CMC2: variants seen among roughly 807,000 people sequenced by gnomAD.
The protein encoded by CMC2 is C-X9-C motif containing 2, also known as COX assembly mitochondrial protein 2 homolog.
A neutral mutation model predicts 7.5 loss-of-function variants in CMC2; 5 were observed. The ratio of observed to expected loss-of-function variants is 0.66; its 90% CI spans 0.35 to 1.40. CMC2 has a LOEUF of 1.40. Ranked by LOEUF, CMC2 falls within the 40% of genes most tolerant of loss-of-function variation. The pLI is 0.04. For missense variants in CMC2, 115 were observed against 92.3 expected (o/e 1.25, Z -1.01); for synonymous variants, 37 against 31.4 (o/e 1.18, Z -0.60).
At chr16:80,982,117 T>C (rs1410916984) in intron 2 of CMC2, among the ~76,000 whole-genome samples, 3 of 152,078 alleles carry the variant, frequency 2.0e-5, no homozygotes, top group Non-Finnish European at 4.4e-5. Flanking sequence ...TTTTGAACAT[T>C]TGGAACAATT....
chr16:80,989,716 T>G (rs1334879937), intron 2 of CMC2, among the ~76,000 whole-genome samples: 1 of 152,196 alleles, frequency 6.6e-6, no homozygotes, highest in Non-Finnish European at 1.5e-5. Context: ...TTCTACATCT[T>G]ATATATATTG....
intron 1 of CMC2, among the ~76,000 whole-genome samples, chr16:80,999,252 G>C (rs985470872): frequency 1.3e-5 from 2 of 152,132 alleles, no homozygotes; most frequent in Admixed American, 1.3e-4. Flanking sequence ...AAAATCAGTA[G>C]CACGTCTATA....
At chr16:80,985,627 A>T (rs1289168291) in intron 2 of CMC2, among the ~76,000 whole-genome samples, 4 of 152,120 alleles carry the variant, frequency 2.6e-5, no homozygotes, top group Non-Finnish European at 5.9e-5. Context: ...AAATAATGTT[A>T]AAAGAGTGCA....
intron 2 of CMC2, among the ~76,000 whole-genome samples, chr16:80,989,809 G>A (rs908746806): frequency 2.6e-5 from 4 of 152,080 alleles, no homozygotes; most frequent in African/African-American, 9.7e-5. Context: ...CTATATTTAT[G>A]ACAGTAAGAA....
intron 1 of CMC2, chr16:80,998,061 TTAG>T (rs1968565354): frequency 1.3e-5 from 2 of 151,490 alleles, no homozygotes; most frequent in Non-Finnish European, 2.9e-5. Flanking sequence ...AGGTGGAAAA[TTAG>T]CAGCCAAGGT....
chr16:80,979,687 C>T (rs1417570202), intron 3 of CMC2, among the ~76,000 whole-genome samples: 2 of 151,676 alleles, frequency 1.3e-5, no homozygotes, highest in Non-Finnish European at 2.9e-5. Context: ...GTAATGTGAT[C>T]TGGGCTCACC....
At chr16:80,976,790 T>C (rs568080175) in intron 3 of CMC2, among the ~76,000 whole-genome samples, 3 of 152,364 alleles carry the variant, frequency 2.0e-5, no homozygotes, top group Non-Finnish European at 4.4e-5. Context: ...TTGTCTGCTA[T>C]AATTTTCAAA....
In CMC2 at chr16:80,973,796, AC is replaced by A; in HGVS notation, c.*2296del. 1 of 151,330 alleles carries A rather than the reference AC, an allele frequency of 6.6e-6. No homozygotes were observed. Among genetic ancestry groups the A allele is most frequent in the South Asian group, 2.1e-4 (1 of 4,832 alleles). 9.4% of individuals were successfully genotyped at this position (151,330 alleles called of 1,614,324 possible). A position where few individuals can be genotyped will look rare whatever the true frequency, so the allele number is the denominator to read the frequency against. ...ATCATTGCCATAGCCTTCAGTGTGT[AC>A]TTTACTCTACAGGGATCAGCAACAG... On this transcript the variant is annotated 3_prime_UTR_variant, in exon 4 of 4. Coordinates refer to ENST00000219400, the MANE Select transcript of CMC2 (RefSeq NM_020188.5).
intron 3 of CMC2, among the ~76,000 whole-genome samples, chr16:80,979,085 AAT>A (rs1567506458): frequency 1.3e-5 from 2 of 149,940 alleles, no homozygotes; most frequent in Non-Finnish European, 1.5e-5. Flanking sequence ...TGGCAAAAAA[AAT>A]AAAAAAATAA....
At chr16:80,997,578 G>C (rs1325070119) in intron 1 of CMC2, 149 bp from the exon 2 acceptor site, 1 of 494,572 alleles carries the variant, frequency 2.0e-6, no homozygotes, top group East Asian at 3.2e-5. Context: ...TTAAACTTGA[G>C]ACAAAGCTTT....
In CMC2 at chr16:80,988,673, T is replaced by C. The variant is rs1238089478; in HGVS notation, c.82-6796A>G. 1.6e-5 allele frequency: 11 copies of C among 683,054 alleles called. No homozygotes were observed. In the East Asian group the frequency reaches 3.0e-4, roughly 18 times the overall value. The allele number at this position is 683,054 out of a possible 1,614,324, so 42.3% of individuals were successfully genotyped here. On this transcript the variant is annotated intron_variant, in intron 2 of 3. Transcript: ENST00000219400. ...GGAAATTAACATTAACACTAGTATCTAATTTATAGACCTTATTCAAATTTC... is the reference window on the plus strand; with the variant it reads ...GGAAATTAACATTAACACTAGTATCCAATTTATAGACCTTATTCAAATTTC...
chr16:81,003,785 A>G (rs1969035038), intron 1 of CMC2, among the ~76,000 whole-genome samples: 1 of 87,634 alleles, frequency 1.1e-5, no homozygotes, highest in African/African-American at 2.9e-5. Context: ...AAGACACAAA[A>G]AAAGAGAAGA....
chr16:80,987,078 C>T (rs1967599348), intron 2 of CMC2, among the ~76,000 whole-genome samples: 1 of 152,152 alleles, frequency 6.6e-6, no homozygotes, highest in African/African-American at 2.4e-5. Flanking sequence ...TGAAAACATC[C>T]ACCAAATTTG....
At chr16:80,999,634 A>C (rs189461119) in intron 1 of CMC2, among the ~76,000 whole-genome samples, 4 of 152,300 alleles carry the variant, frequency 2.6e-5, no homozygotes, top group Middle Eastern at 3.4e-3. Flanking sequence ...AAGAACAAAA[A>C]CCAAACGTAT....
chr16:81,006,659 G>A, intron 1 of CMC2, 75 bp downstream of exon 1: 3 of 968,718 alleles, frequency 3.1e-6, no homozygotes, highest in Non-Finnish European at 3.7e-6. Flanking sequence ...GAAGGGGCTC[G>A]GCGGGACGCG....
intron 1 of CMC2, among the ~76,000 whole-genome samples, chr16:81,002,339 T>C (rs931168480): frequency 1.3e-5 from 2 of 152,038 alleles, no homozygotes; most frequent in African/African-American, 4.8e-5. Context: ...AGCAGGAGAA[T>C]CACTTGAACC....
chr16:80,980,876 G>A (rs923981846), intron 3 of CMC2: 4 of 697,586 alleles, frequency 5.7e-6, no homozygotes, highest in Non-Finnish European at 1.0e-5. Flanking sequence ...GACAGAGCAA[G>A]AACCTGTCTC....
chr16:81,005,450 C>CA, intron 1 of CMC2, among the ~76,000 whole-genome samples: 1 of 148,412 alleles, frequency 6.7e-6, no homozygotes, highest in South Asian at 2.1e-4. Flanking sequence ...AAATAAATAA[C>CA]ATAAAACATT....
At chr16:80,977,568 T>G (rs962049593) in intron 3 of CMC2, among the ~76,000 whole-genome samples, 1 of 152,116 alleles carries the variant, frequency 6.6e-6, no homozygotes, top group African/African-American at 2.4e-5. Flanking sequence ...GATACCGAGC[T>G]CATCAGGGAC....
Sources: gnomAD v4.1 joint callset for allele counts (sites outside exome capture counted in the v4.1 genomes callset) on GRCh38, gnomAD v4.1.1 for gene constraint, MANE v1.5 for transcripts, NCBI Gene and HGNC (gene_info 2026-07-23, HGNC 2026-07-21) for gene names.